TRIM24: variants seen among roughly 807,000 people sequenced by gnomAD.
The protein encoded by TRIM24 is tripartite motif containing 24, also known as transcription intermediary factor 1-alpha.
TRIM24 carries 29 observed loss-of-function variants against 123.9 expected under a neutral mutation model. The observed-to-expected ratio is 0.23, with a 90% CI of 0.17 to 0.32. The LOEUF is 0.32. Ranked by LOEUF, TRIM24 falls within the 10% of genes least tolerant of loss-of-function variation. The pLI, the probability that TRIM24 is intolerant of heterozygous loss-of-function variation, is 1.00. For synonymous variants in TRIM24, 456 were observed against 461.1 expected, an observed-to-expected ratio of 0.99 and a Z score of 0.14; for missense variants, 932 against 1,295.3, an observed-to-expected ratio of 0.72 and a Z score of 4.31.
chr7:138,583,496 TG>T (rs1456934010), intron 17 of TRIM24, among the ~76,000 whole-genome samples: 1 of 152,176 alleles, frequency 6.6e-6, no homozygotes, highest in Non-Finnish European at 1.5e-5. Flanking sequence ...AGCGCATGCC[TG>T]TAACCCCAGC....
chr7:138,498,169 A>G (rs1433334478), intron 1 of TRIM24, among the ~76,000 whole-genome samples: 3 of 151,940 alleles, frequency 2.0e-5, no homozygotes, highest in Non-Finnish European at 4.4e-5. Context: ...AACTCACTTG[A>G]GTAACTGGGA....
In TRIM24 at chr7:138,584,745, G is replaced by T; in HGVS notation, c.2947G>T (p.Asp983Tyr). The change falls in exon 19 of 19, where the codon GAT becomes TAT. Residue 983 changes from aspartate to tyrosine, a missense_variant. Coordinates refer to ENST00000343526, the MANE Select transcript of TRIM24 (RefSeq NM_015905.3). Reference protein sequence around the residue: ...FQNCAEFNEPDSEVANAGIKL... With the variant: ...FQNCAEFNEPYSEVANAGIKL... ...CATTTTTATTTTTACTCCACAGCCT[G>T]ATTCAGAAGTAGCCAATGCTGGTAT... 1 of 1,601,636 alleles carries T rather than the reference G, an allele frequency of 6.2e-7. No homozygotes were observed. The highest frequency in any genetic ancestry group is 1.1e-5 in the South Asian group (1 of 87,396).
At chr7:138,515,398 T>C (rs193214212) in intron 3 of TRIM24, 39 bp downstream of exon 3, 90 of 1,600,698 alleles carry the variant, frequency 5.6e-5, no homozygotes, top group Non-Finnish European at 7.0e-5. Flanking sequence ...CCTTCTATCT[T>C]TCCCCGTCTT....
intron 1 of TRIM24, among the ~76,000 whole-genome samples, chr7:138,488,064 A>G (rs1333790879): frequency 1.3e-5 from 2 of 152,036 alleles, no homozygotes; most frequent in South Asian, 2.1e-4. Context: ...TTCCTGGTTT[A>G]GTCTTGGGAG....
At chr7:138,558,792 G>C (rs1356908014) in intron 9 of TRIM24, among the ~76,000 whole-genome samples, 2 of 152,200 alleles carry the variant, frequency 1.3e-5, no homozygotes, top group African/African-American at 2.4e-5. Context: ...GAGATGTGCA[G>C]GATAGCAAAT....
chr7:138,535,864 A>G (rs1368065624), intron 6 of TRIM24, among the ~76,000 whole-genome samples: 1 of 151,854 alleles, frequency 6.6e-6, no homozygotes. Flanking sequence ...AATCAGACAT[A>G]GATTTGGTCT....
chr7:138,569,394 A>C (rs1584743755), intron 10 of TRIM24, among the ~76,000 whole-genome samples: 1 of 152,384 alleles, frequency 6.6e-6, no homozygotes, highest in South Asian at 2.1e-4. Flanking sequence ...TGAGTTTAAC[A>C]AATTAGAGTA....
At chr7:138,461,017 C>G in intron 1 of TRIM24, 105 bp downstream of exon 1, 1 of 1,077,402 alleles carries the variant, frequency 9.3e-7, no homozygotes, top group Non-Finnish European at 1.2e-6. Flanking sequence ...GCCCGGGGTG[C>G]GCGGCGGGGG....
chr7:138,556,075 G>T (rs1797310726), intron 9 of TRIM24, among the ~76,000 whole-genome samples: 2 of 151,996 alleles, frequency 1.3e-5, no homozygotes. Flanking sequence ...TTATCCCTTA[G>T]ATAAATTTAA....
At chr7:138,568,123 T>A (rs537337513) in intron 10 of TRIM24, among the ~76,000 whole-genome samples, 1 of 151,764 alleles carries the variant, frequency 6.6e-6, no homozygotes, top group African/African-American at 2.4e-5. Context: ...TATTTTTATT[T>A]TTTTATTTTT....
chr7:138,499,599 T>A (rs190674873), intron 1 of TRIM24, among the ~76,000 whole-genome samples: 1 of 152,236 alleles, frequency 6.6e-6, no homozygotes, highest in Non-Finnish European at 1.5e-5. Flanking sequence ...TTGGAGGACA[T>A]CCTGTCTGAG....
chr7:138,480,122 G>T (rs1263809887), intron 1 of TRIM24, among the ~76,000 whole-genome samples: 1 of 53,538 alleles, frequency 1.9e-5, no homozygotes, highest in Non-Finnish European at 4.5e-5. Flanking sequence ...CCCGGGCCAT[G>T]AATTAAGTTT....
intron 1 of TRIM24, chr7:138,490,649 T>C: frequency 5.8e-6 from 2 of 343,850 alleles, no homozygotes; most frequent in Non-Finnish European, 1.1e-5. Context: ...CCCCAGTTGC[T>C]TTTCCAGCAC....
At chr7:138,466,334 A>G (rs1168163955) in intron 1 of TRIM24, among the ~76,000 whole-genome samples, 1 of 151,762 alleles carries the variant, frequency 6.6e-6, no homozygotes, top group African/African-American at 2.4e-5. Flanking sequence ...GTAGGTGAGA[A>G]AAGCTATCTC....
At chr7:138,475,951 A>T (rs2116466262) in intron 1 of TRIM24, among the ~76,000 whole-genome samples, 1 of 152,334 alleles carries the variant, frequency 6.6e-6, no homozygotes, top group East Asian at 1.9e-4. Context: ...CAGGCCAGAA[A>T]TCATTAAAGA....
At chr7:138,576,232 A>T in intron 12 of TRIM24, 141 bp from the exon 13 acceptor site, 1 of 785,364 alleles carries the variant, frequency 1.3e-6, no homozygotes, top group Non-Finnish European at 2.1e-6. Context: ...CAGACTGCTG[A>T]AAATTCAGCA....
chr7:138,580,769 ATATC>A, intron 16 of TRIM24, 75 bp downstream of exon 16: 1 of 1,376,168 alleles, frequency 7.3e-7, no homozygotes, highest in South Asian at 1.7e-5. Context: ...AAAGAGGTGT[ATATC>A]CATCCAGATT....
intron 4 of TRIM24, among the ~76,000 whole-genome samples, chr7:138,524,321 G>C (rs1796566491): frequency 6.6e-6 from 1 of 152,034 alleles, no homozygotes; most frequent in Non-Finnish European, 1.5e-5. Flanking sequence ...CAACATAAGG[G>C]TGACCATTTT....
intron 1 of TRIM24, among the ~76,000 whole-genome samples, chr7:138,491,990 C>T (rs1795796692): frequency 6.6e-6 from 1 of 150,964 alleles, no homozygotes; most frequent in Non-Finnish European, 1.5e-5. Context: ...GTCAGATAGG[C>T]ACAGTGGCTG....
Sources: gnomAD v4.1 joint callset for allele counts (sites outside exome capture counted in the v4.1 genomes callset) on GRCh38, gnomAD v4.1.1 for gene constraint, MANE v1.5 for transcripts, NCBI Gene and HGNC (gene_info 2026-07-23, HGNC 2026-07-21) for gene names.